Variants in NXPE3 observed in about 807,000 individuals in gnomAD.
NXPE3 encodes neurexophilin and PC-esterase domain family member 3.
Under a neutral mutation model 46.1 loss-of-function variants are expected in NXPE3, and 26 were observed. That is an observed-to-expected ratio of 0.56 (90% CI 0.41 to 0.78). The LOEUF is 0.78. NXPE3 is among the 30% of genes least tolerant of loss of function. The pLI is 0.00. For missense variants in NXPE3, 620 were observed against 686.0 expected (o/e 0.90, Z 1.07); for synonymous variants, 272 against 257.9 (o/e 1.05, Z -0.52).
chr3:101,809,682 GA>G (rs1009989442), intron 6 of NXPE3, among the ~76,000 whole-genome samples: 22 of 151,860 alleles, frequency 1.4e-4, no homozygotes, highest in Non-Finnish European at 2.6e-4. Flanking sequence ...TGGAATGAAG[GA>G]AAAAAAATTA....
rs934015223 is a variant in NXPE3 at position 101,823,833 on chromosome 3, C to G, written c.*1879C>G. ...TGTTGGCTCACATCTGTAATCCCAG[C>G]AGGGATTATAGTCTCGGGAGGCTGA... On this transcript the variant is annotated 3_prime_UTR_variant, in exon 8 of 8. Coordinates refer to ENST00000273347, the MANE Select transcript of NXPE3 (RefSeq NM_145037.4). The G allele has an allele frequency of 6.6e-5, 10 of 151,652 alleles. No individual in the cohort carries two copies. The highest frequency in any genetic ancestry group is 2.2e-4 in the African/African-American group (9 of 41,240). 9.4% of individuals were successfully genotyped at this position (151,652 alleles called of 1,614,324 possible).
chr3:101,797,129 A>G (rs1261541901), intron 4 of NXPE3, among the ~76,000 whole-genome samples: 1 of 152,330 alleles, frequency 6.6e-6, no homozygotes, highest in East Asian at 1.9e-4. Context: ...TGGAAATTTC[A>G]AAGAATGGAG....
chr3:101,822,073 T>G lies in NXPE3; in HGVS notation c.*119T>G. On this transcript the variant is annotated 3_prime_UTR_variant, in exon 8 of 8. Transcript: ENST00000273347. ...TAATAAGTATAAAATTTCAAAAAGATCTGGACTTAATATGATGACTTATAA... is the reference window on the plus strand; with the variant it reads ...TAATAAGTATAAAATTTCAAAAAGAGCTGGACTTAATATGATGACTTATAA... The G allele has an allele frequency of 1.2e-6, 1 of 849,408 alleles. No homozygotes were observed. Among genetic ancestry groups the G allele is most frequent in the South Asian group, 1.8e-5 (1 of 56,164 alleles). 52.6% of individuals were successfully genotyped at this position (849,408 alleles called of 1,614,324 possible). A position where few individuals can be genotyped will look rare whatever the true frequency, so the allele number is the denominator to read the frequency against.
chr3:101,821,562 A>T lies in NXPE3; in HGVS notation c.1288A>T (p.Asn430Tyr). ...NELHYVANEL[N>Y]GIVGGKNTVV... ...GCTCCATTATGTGGCGAATGAGCTG[A>T]ATGGCATTGTGGGAGGGAAGAACAC... The change falls in exon 8 of 8, where the codon AAT becomes TAT. Residue 430 changes from asparagine to tyrosine, a missense_variant. Transcript: ENST00000273347. 2 of 1,614,200 alleles carry T rather than the reference A, an allele frequency of 1.2e-6. No individual in the cohort carries two copies. The highest frequency in any genetic ancestry group is 1.7e-6 in the Non-Finnish European group (2 of 1,180,038).
At chr3:101,795,327 T>C (rs1358633444) in intron 4 of NXPE3, among the ~76,000 whole-genome samples, 2 of 152,132 alleles carry the variant, frequency 1.3e-5, no homozygotes, top group Non-Finnish European at 2.9e-5. Flanking sequence ...GAGACCAGCT[T>C]GGCCGACATG....
chr3:101,823,446 A>G lies in NXPE3; in HGVS notation c.*1492A>G, dbSNP rs1004430583. On this transcript the variant is annotated 3_prime_UTR_variant, in exon 8 of 8. Coordinates refer to ENST00000273347, the MANE Select transcript of NXPE3 (RefSeq NM_145037.4). The stretch of plus-strand genomic sequence containing the variant: ...ATGGTCCTTACGCTTTACAGTACCT[A>G]AGGATCACTTGTAGTATCTGACAAA... 1.3e-5 allele frequency: 2 copies of G among 152,162 alleles called. No individual in the cohort carries two copies. The highest frequency in any genetic ancestry group is 2.9e-5 in the Non-Finnish European group (2 of 68,030). 9.4% of individuals were successfully genotyped at this position (152,162 alleles called of 1,614,324 possible).
intron 7 of NXPE3, 27 bp downstream of exon 7, chr3:101,817,028 ACT>A: frequency 1.3e-6 from 2 of 1,582,406 alleles, no homozygotes; most frequent in Non-Finnish European, 1.7e-6. Flanking sequence ...TTGTTTCGTA[ACT>A]CTTTCCCACA....
Position 101,820,061 on chromosome 3 carries a change from T to C in NXPE3, c.1130-1343T>C, listed in dbSNP as rs1190696917. ...ATAATGTCCTCTAGTTTCATCCATG[T>C]TGTTACAAATGACGGAATTTCCCCA... On this transcript the variant is annotated intron_variant, in intron 7 of 7. Coordinates refer to ENST00000273347, the MANE Select transcript of NXPE3 (RefSeq NM_145037.4). Among the ~76,000 whole-genome samples the C allele has an allele frequency of 2.0e-5, 3 of 152,212 alleles. 1 individual carries two copies. Among genetic ancestry groups the C allele is most frequent in the Admixed American group, 2.0e-4 (3 of 15,278 alleles).
At chr3:101,789,445 C>T (rs1449187565) in intron 4 of NXPE3, among the ~76,000 whole-genome samples, 2 of 152,114 alleles carry the variant, frequency 1.3e-5, no homozygotes, top group East Asian at 3.9e-4. Context: ...ACTTGGGAAG[C>T]TGAGACGGGA....
chr3:101,785,632 C>T lies in NXPE3; in HGVS notation c.36C>T (p.Cys12=), dbSNP rs1940122605. 6.2e-7 allele frequency: 1 copy of T among 1,614,054 alleles called. No individual in the cohort carries two copies. Among genetic ancestry groups the T allele is most frequent in the African/African-American group, 1.3e-5 (1 of 75,018 alleles). ...ATTTCTTCAAACTACGGCTTTTCTG[C>T]TGTCTGCTTGCAGTGTTGATGGTGG... ...WTNFFKLRLF[C]CLLAVLMVVV... is the part of the protein sequence containing the mutation. Residue 12 remains cysteine, a synonymous_variant, in exon 4 of 8, where the codon TGC becomes TGT. Transcript: ENST00000273347.
chr3:101,795,555 G>C (rs1940782601), intron 4 of NXPE3, among the ~76,000 whole-genome samples: 1 of 151,706 alleles, frequency 6.6e-6, no homozygotes, highest in African/African-American at 2.4e-5. Flanking sequence ...TGAGAAGGGG[G>C]TATTTGTAAC....
chr3:101,800,550 A>G (rs1216602384), intron 4 of NXPE3, among the ~76,000 whole-genome samples: 1 of 152,198 alleles, frequency 6.6e-6, no homozygotes, highest in Non-Finnish European at 1.5e-5. Context: ...GAATTCAACT[A>G]TGTCCTTACC....
chr3:101,807,036 T>C lies in NXPE3; in HGVS notation c.849-17T>C, dbSNP rs941770594. The C allele has an allele frequency of 6.3e-7, 1 of 1,594,638 alleles. No individual in the cohort carries two copies. Among genetic ancestry groups the C allele is most frequent in the Non-Finnish European group, 8.6e-7 (1 of 1,163,002 alleles). ...TGTTCCTGAACCTGAGCTTGTGCTT[T>C]TTTATTCCTCTTAAAGTGGTGTCAA... On this transcript the variant is annotated splice_polypyrimidine_tract_variant and intron_variant, in intron 5 of 7. Transcript: ENST00000273347.
At chr3:101,807,381 G>A (rs1040090686) in intron 6 of NXPE3, among the ~76,000 whole-genome samples, 8 of 151,896 alleles carry the variant, frequency 5.3e-5, no homozygotes, top group Non-Finnish European at 7.4e-5. Flanking sequence ...GTGCAGTGGC[G>A]CAATCTTTAC....
rs568483326 is a variant in NXPE3, at chr3:101,807,164, C to T, written c.922+38C>T. 6.7e-6 allele frequency: 10 copies of T among 1,494,270 alleles called. No individual in the cohort carries two copies. The South Asian group carries it at 1.0e-4, about 15-fold the overall frequency. The allele number at this position is 1,494,270 out of a possible 1,614,324, so 92.6% of individuals were successfully genotyped here. A position where few individuals can be genotyped will look rare whatever the true frequency, so the allele number is the denominator to read the frequency against. The stretch of plus-strand genomic sequence containing the variant: ...ATAAGCTTGATGATTTGTTGTTTTT[C>T]TTACTAACTGGGTTGAGGCTCTGTC... On this transcript the variant is annotated intron_variant, in intron 6 of 7. Coordinates refer to ENST00000273347, the MANE Select transcript of NXPE3 (RefSeq NM_145037.4).
chr3:101,803,442 T>G (rs893533618), intron 5 of NXPE3, among the ~76,000 whole-genome samples: 1 of 152,176 alleles, frequency 6.6e-6, no homozygotes, highest in Non-Finnish European at 1.5e-5. Flanking sequence ...CAGTACAAAA[T>G]GAAAACAAAA....
intron 4 of NXPE3, among the ~76,000 whole-genome samples, chr3:101,785,917 T>C (rs1181291471): frequency 1.3e-5 from 2 of 152,142 alleles, no homozygotes; most frequent in African/African-American, 4.8e-5. Flanking sequence ...AGTGCTCACA[T>C]AATAAGTGTG....
intron 3 of NXPE3, among the ~76,000 whole-genome samples, chr3:101,784,614 C>G (rs569515895): frequency 1.3e-5 from 2 of 152,258 alleles, no homozygotes; most frequent in South Asian, 4.2e-4. Flanking sequence ...GGATAGAATA[C>G]TAGGACATTT....
chr3:101,788,650 C>T (rs1443045792), intron 4 of NXPE3, among the ~76,000 whole-genome samples: 1 of 152,018 alleles, frequency 6.6e-6, no homozygotes, highest in Non-Finnish European at 1.5e-5. Flanking sequence ...GAGTCTTGCT[C>T]TGTTGCCCAG....
Sources: allele counts gnomAD v4.1 joint callset (sites outside exome capture counted in the v4.1 genomes callset), GRCh38; gene constraint gnomAD v4.1.1; transcripts MANE v1.5; gene names NCBI Gene and HGNC (gene_info 2026-07-23, HGNC 2026-07-21).